The following SPINT2 variants were observed in gnomAD, a reference collection of about 807,000 sequenced individuals.
The protein encoded by SPINT2 is serine peptidase inhibitor, Kunitz type 2, also known as kunitz-type protease inhibitor 2.
SPINT2 carries 18 observed loss-of-function variants against 30.1 expected under a neutral mutation model. The ratio of observed to expected loss-of-function variants is 0.60; its 90% CI spans 0.41 to 0.89. The LOEUF (loss-of-function observed/expected upper bound fraction) is 0.89. SPINT2 is among the 40% of genes least tolerant of loss of function. The pLI is 0.00. For synonymous variants in SPINT2, 139 were observed against 137.9 expected (o/e 1.01, Z -0.05); for missense variants, 276 against 334.3 (o/e 0.83, Z 1.36).
At chr19:38,287,974 C>G (rs760290703) in intron 3 of SPINT2, 39 bp downstream of exon 3, 1 of 1,600,000 alleles carries the variant, frequency 6.3e-7, no homozygotes, top group Non-Finnish European at 8.6e-7. Context: ...GTGAGGCCAC[C>G]GGATGGGTCA....
At chr19:38,288,393 C>A (rs979647164) in intron 3 of SPINT2, 1 of 299,528 alleles carries the variant, frequency 3.3e-6, no homozygotes, top group Admixed American at 4.6e-5. Context: ...CCCGCCACTG[C>A]AGCTTGTGAT....
At position 38,287,868 on chromosome 19, in the gene SPINT2, C is replaced by T. The variant is rs1164994530; in HGVS notation, c.278-8C>T. On this transcript the variant is annotated splice_polypyrimidine_tract_variant and splice_region_variant and intron_variant, in intron 2 of 6. Coordinates refer to ENST00000301244, the MANE Select transcript of SPINT2 (RefSeq NM_021102.4). Reference sequence around the variant, plus strand: ...CTTTCACTGTGCTGTTTCTTTGTCCCCTTGCAGAGAATGCCACGGGTGACC... The same window carrying T: ...CTTTCACTGTGCTGTTTCTTTGTCCTCTTGCAGAGAATGCCACGGGTGACC... The T allele has an allele frequency of 6.2e-6, 10 of 1,614,018 alleles. No individual in the cohort carries two copies. The highest frequency in any genetic ancestry group is 7.6e-6 in the Non-Finnish European group (9 of 1,180,024).
rs1456132328 is a variant in SPINT2 at position 38,265,011 on chromosome 19, C to A, written c.106+13C>A. On this transcript the variant is annotated intron_variant, in intron 1 of 6. Coordinates refer to ENST00000301244, the MANE Select transcript of SPINT2 (RefSeq NM_021102.4). Reference sequence around the variant, plus strand: ...CGCAGCATCCACGGTGAGGGCCGGGCGGGTAGGCTGGAGGCGGGGCGCAGG... The same window carrying A: ...CGCAGCATCCACGGTGAGGGCCGGGAGGGTAGGCTGGAGGCGGGGCGCAGG... 4 of 1,325,646 alleles carry A rather than the reference C, an allele frequency of 3.0e-6. No individual in the cohort carries two copies. The South Asian group carries it at 5.3e-5, about 17-fold the overall frequency. 82.1% of individuals were successfully genotyped at this position (1,325,646 alleles called of 1,614,324 possible).
intron 1 of SPINT2, among the ~76,000 whole-genome samples, chr19:38,271,964 G>A (rs1968462242): frequency 6.6e-6 from 1 of 152,136 alleles, no homozygotes; most frequent in Admixed American, 6.6e-5. Context: ...GATACTGCTG[G>A]GCACAATGGC....
intron 4 of SPINT2, chr19:38,289,483 TCAAAAAA>T (rs1233953964): frequency 2.2e-4 from 7 of 32,218 alleles, no homozygotes; most frequent in South Asian, 1.3e-3. Flanking sequence ...AGACTCTGTC[TCAAAAAA>T]AAAAAAAAAA....
chr19:38,267,411 C>G (rs903921606), intron 1 of SPINT2, among the ~76,000 whole-genome samples: 2 of 151,848 alleles, frequency 1.3e-5, no homozygotes, highest in Admixed American at 6.6e-5. Context: ...GAGGAGTGAA[C>G]AGAGAATGTG....
intron 1 of SPINT2, 146 bp from the exon 2 acceptor site, chr19:38,283,481 C>T (rs1447629992): frequency 1.1e-5 from 11 of 964,108 alleles, no homozygotes; most frequent in Non-Finnish European, 1.6e-5. Context: ...GGCCTGTTGA[C>T]GATCTGGGCT....
intron 1 of SPINT2, among the ~76,000 whole-genome samples, chr19:38,279,040 C>T (rs144911099): frequency 5.3e-5 from 8 of 152,110 alleles, no homozygotes; most frequent in Non-Finnish European, 8.8e-5. Flanking sequence ...CAAGATGAGA[C>T]GATTTGTCTT....
intron 3 of SPINT2, 102 bp from the exon 4 acceptor site, chr19:38,289,036 G>A (rs1968678100): frequency 4.8e-6 from 5 of 1,042,516 alleles, no homozygotes; most frequent in Non-Finnish European, 7.6e-6. Context: ...CCTTCTTAAA[G>A]GCGTGTCCAC....
intron 1 of SPINT2, among the ~76,000 whole-genome samples, chr19:38,283,087 G>A (rs575719386): frequency 3.9e-5 from 6 of 152,078 alleles, no homozygotes; most frequent in East Asian, 1.9e-4. Context: ...CGAGGCAGGC[G>A]GATTGCTTGA....
chr19:38,290,444 C>A lies in SPINT2; in HGVS notation c.554-93C>A. On this transcript the variant is annotated intron_variant, in intron 5 of 6. Coordinates refer to ENST00000301244, the MANE Select transcript of SPINT2 (RefSeq NM_021102.4). This position sits in a 1 kb window ranked among gnomAD's most constrained non-coding sequence, Gnocchi z 4.3. ...CTGGAAGAAAGCCCCTCAGAAAGAG[C>A]TCCCCATGGAGGCCCTGGCTGAGGG... The A allele has an allele frequency of 6.2e-7, 1 of 1,607,416 alleles. No homozygotes were observed. Among genetic ancestry groups the A allele is most frequent in the Non-Finnish European group, 8.5e-7 (1 of 1,175,806 alleles).
Position 38,292,052 on chromosome 19 carries a change from G to T in SPINT2, c.*46G>T. ...CTGGGGAAGGGAGGGGAGACTATGT[G>T]TGAGCTTTTTTTAAATAGAGGGATT... On this transcript the variant is annotated 3_prime_UTR_variant, in exon 7 of 7. Coordinates refer to ENST00000301244, the MANE Select transcript of SPINT2 (RefSeq NM_021102.4). 1 of 1,607,572 alleles carries T rather than the reference G, an allele frequency of 6.2e-7. No homozygotes were observed. Among genetic ancestry groups the T allele is most frequent in the African/African-American group, 1.3e-5 (1 of 74,940 alleles).
At chr19:38,288,669 C>T (rs1480478052) in intron 3 of SPINT2, 30 of 196,324 alleles carry the variant, frequency 1.5e-4, no homozygotes, top group Non-Finnish European at 2.1e-5. Context: ...GCTGTTGGGC[C>T]GGCTGGCTTG....
Position 38,290,651 on chromosome 19 carries a change from T to A in SPINT2, c.592+76T>A. 1 of 1,552,374 alleles carries A rather than the reference T, an allele frequency of 6.4e-7. No individual in the cohort carries two copies. ...TTGACTGAGCTCAGCCCTGCCCAGC[T>A]GTGGTTTACATTATCCTTCACTGTG... On this transcript the variant is annotated intron_variant, in intron 6 of 6. Coordinates refer to ENST00000301244, the MANE Select transcript of SPINT2 (RefSeq NM_021102.4). The surrounding 1 kb of genome is among the most constrained non-coding windows in gnomAD (Gnocchi z 4.3).
At chr19:38,283,187 C>T (rs191167151) in intron 1 of SPINT2, among the ~76,000 whole-genome samples, 27 of 152,096 alleles carry the variant, frequency 1.8e-4, no homozygotes, top group South Asian at 1.2e-3. Flanking sequence ...TGGTGGCGCA[C>T]GCCTGTAGTT....
intron 4 of SPINT2, chr19:38,289,511 A>AAG (rs1327447137): frequency 4.3e-5 from 10 of 232,400 alleles, no homozygotes; most frequent in Non-Finnish European, 5.9e-5. Context: ...AAAAAAAAAA[A>AAG]AACTCCGAAG....
chr19:38,283,894 T>G (rs1968611912), intron 2 of SPINT2, 97 bp downstream of exon 2: 3 of 1,386,826 alleles, frequency 2.2e-6, no homozygotes, highest in Non-Finnish European at 2.9e-6. Flanking sequence ...CAGGCTGGAG[T>G]GCAGTGGCGC....
At position 38,283,789 on chromosome 19, in the gene SPINT2, C is replaced by T; in HGVS notation, c.269C>T (p.Thr90Ile). ...GAGGAGTGCCTCAAGAAATGTGCCA[C>T]TGTCACAGGTGAGATGGCAGTAGTT... ...TKEECLKKCA[T>I]VTENATGDLA... The change falls in exon 2 of 7, where the codon ACT becomes ATT. Residue 90 changes from threonine (T) to isoleucine (I), a missense_variant. Coordinates refer to ENST00000301244, the MANE Select transcript of SPINT2 (RefSeq NM_021102.4). 1 of 1,608,790 alleles carries T rather than the reference C, an allele frequency of 6.2e-7. No individual in the cohort carries two copies. The highest frequency in any genetic ancestry group is 1.1e-5 in the South Asian group (1 of 90,934).
chr19:38,285,100 C>G (rs538705981), intron 2 of SPINT2, among the ~76,000 whole-genome samples: 25 of 152,262 alleles, frequency 1.6e-4, no homozygotes, highest in Admixed American at 6.5e-4. Context: ...AACAAACATA[C>G]GTCCTGGAAT....
Sources: allele counts gnomAD v4.1 joint callset (sites outside exome capture counted in the v4.1 genomes callset), GRCh38; gene constraint gnomAD v4.1.1; non-coding constraint Gnocchi (gnomAD v3.1); transcripts MANE v1.5; gene names NCBI Gene and HGNC (gene_info 2026-07-23, HGNC 2026-07-21).